The following MTUS2 variants were observed in gnomAD, a reference collection of about 807,000 sequenced individuals.
MTUS2 encodes the protein microtubule associated scaffold protein 2.
MTUS2 carries 40 observed loss-of-function variants against 114.1 expected under a neutral mutation model. The observed-to-expected ratio is 0.35, with a 90% CI of 0.27 to 0.46. The LOEUF is 0.46. MTUS2 is among the 20% of genes least tolerant of loss of function. The pLI, the probability that MTUS2 is intolerant of heterozygous loss-of-function variation, is 1.00. For missense variants in MTUS2, 1,679 were observed against 1,705.4 expected, an observed-to-expected ratio of 0.98 and a Z score of 0.27; for synonymous variants, 688 against 672.0, an observed-to-expected ratio of 1.02 and a Z score of -0.37.
chr13:29,480,029 G>A lies in MTUS2; in HGVS notation c.3185-121G>A, dbSNP rs767382922. 51 of 927,912 alleles carry A rather than the reference G, an allele frequency of 5.5e-5. No homozygotes were observed. The highest frequency in any genetic ancestry group is 2.3e-4 in the Middle Eastern group (1 of 4,382). 57.5% of individuals were successfully genotyped at this position (927,912 alleles called of 1,614,324 possible). A position where few individuals can be genotyped will look rare whatever the true frequency, so the allele number is the denominator to read the frequency against. ...ACTTTACAAACTGTGTAGCCCTGCA[G>A]AAGTCAGAGGACCTCGCCCTGTTTA... On this transcript the variant is annotated intron_variant, in intron 9 of 15. Transcript: ENST00000612955. This position sits in a 1 kb window ranked among gnomAD's most constrained non-coding sequence, Gnocchi z 4.4.
intron 5 of MTUS2, among the ~76,000 whole-genome samples, chr13:29,208,042 A>T (rs1895266258): frequency 6.6e-6 from 1 of 152,136 alleles, no homozygotes; most frequent in Non-Finnish European, 1.5e-5. Flanking sequence ...TTCAACTGTG[A>T]ACTCATCTGG....
At chr13:29,502,027 T>A (rs923524264) in intron 15 of MTUS2, among the ~76,000 whole-genome samples, 2 of 152,198 alleles carry the variant, frequency 1.3e-5, no homozygotes, top group Non-Finnish European at 2.9e-5. Context: ...CTCACATACA[T>A]ACGCTCTTGC....
chr13:29,375,285 GTT>G (rs1593366558), intron 8 of MTUS2, among the ~76,000 whole-genome samples: 2 of 129,766 alleles, frequency 1.5e-5, no homozygotes, highest in African/African-American at 3.1e-5. Context: ...TTAAAAAGGA[GTT>G]TTTAATAGGA....
chr13:28,855,385 A>G (rs1440620591), intron 2 of MTUS2, among the ~76,000 whole-genome samples: 2 of 152,012 alleles, frequency 1.3e-5, no homozygotes, highest in African/African-American at 2.4e-5. Context: ...TAAGCCCAGC[A>G]TGCATTAGCT....
chr13:28,911,410 G>A (rs985960635), intron 2 of MTUS2, among the ~76,000 whole-genome samples: 13 of 151,892 alleles, frequency 8.6e-5, no homozygotes, highest in African/African-American at 1.9e-4. Context: ...TCCTGACCTC[G>A]TGATCCACCC....
Position 29,503,269 on chromosome 13 carries a change from A to T in MTUS2, c.*63A>T. 2 of 1,579,360 alleles carry T rather than the reference A, an allele frequency of 1.3e-6. No homozygotes were observed. The highest frequency in any genetic ancestry group is 1.7e-6 in the Non-Finnish European group (2 of 1,157,856). ...CCTCCGGTCTCCACCCTGAGGGAGCACCGACCCGGTGCCGCCGGAGCTGGC... is the reference window on the plus strand; with the variant it reads ...CCTCCGGTCTCCACCCTGAGGGAGCTCCGACCCGGTGCCGCCGGAGCTGGC... On this transcript the variant is annotated 3_prime_UTR_variant, in exon 16 of 16. Transcript: ENST00000612955.
chr13:29,044,271 C>G (rs1243227829), intron 4 of MTUS2, among the ~76,000 whole-genome samples: 1 of 139,596 alleles, frequency 7.2e-6, no homozygotes, highest in African/African-American at 2.5e-5. Context: ...TTAGTAATTT[C>G]TAGCTTGAAT....
intron 4 of MTUS2, among the ~76,000 whole-genome samples, chr13:29,041,820 C>A (rs1236872552): frequency 1.3e-5 from 2 of 152,088 alleles, no homozygotes; most frequent in East Asian, 3.8e-4. Context: ...GATTTTGTAT[C>A]CTGAAACATT....
chr13:28,945,143 A>G (rs1335164810), intron 2 of MTUS2, among the ~76,000 whole-genome samples: 1 of 151,450 alleles, frequency 6.6e-6, no homozygotes, highest in African/African-American at 2.4e-5. Context: ...TGTAAAAGAC[A>G]TGATTCGTTG....
chr13:29,262,129 GA>G (rs1427851566), intron 5 of MTUS2, among the ~76,000 whole-genome samples: 5 of 152,246 alleles, frequency 3.3e-5, no homozygotes, highest in African/African-American at 1.2e-4. Context: ...GATCTTCTGT[GA>G]TTACTTCTAT....
chr13:29,438,463 G>A (rs1042422467), intron 8 of MTUS2, among the ~76,000 whole-genome samples: 2 of 152,184 alleles, frequency 1.3e-5, no homozygotes, highest in African/African-American at 4.8e-5. Context: ...CAGTTTCAGT[G>A]TCAGGTGCGG....
At chr13:29,282,187 T>C (rs1898302124) in intron 6 of MTUS2, among the ~76,000 whole-genome samples, 1 of 152,212 alleles carries the variant, frequency 6.6e-6, no homozygotes, top group Admixed American at 6.5e-5. Flanking sequence ...GCAAGGACTG[T>C]AGGATAGCAA....
At chr13:28,941,402 C>T (rs192855094) in intron 2 of MTUS2, among the ~76,000 whole-genome samples, 10 of 151,984 alleles carry the variant, frequency 6.6e-5, no homozygotes, top group Admixed American at 3.9e-4. Flanking sequence ...GAATATAATA[C>T]GTAAATATTT....
chr13:29,079,315 G>T (rs1261508621), intron 4 of MTUS2, among the ~76,000 whole-genome samples: 1 of 152,036 alleles, frequency 6.6e-6, no homozygotes. Context: ...ATTTATACAT[G>T]TTGGATATTA....
intron 11 of MTUS2, among the ~76,000 whole-genome samples, chr13:29,490,876 T>C (rs1422127348): frequency 6.6e-6 from 1 of 152,252 alleles, no homozygotes. Context: ...GATTTAATGT[T>C]AATTACCTAG....
At chr13:29,038,448 C>T (rs943287792) in intron 4 of MTUS2, among the ~76,000 whole-genome samples, 6 of 152,160 alleles carry the variant, frequency 3.9e-5, no homozygotes, top group African/African-American at 1.2e-4. Flanking sequence ...AGATACCAGC[C>T]GGAGCTCTCC....
chr13:29,308,006 G>T (rs1899559292), intron 6 of MTUS2, among the ~76,000 whole-genome samples: 1 of 152,124 alleles, frequency 6.6e-6, no homozygotes, highest in African/African-American at 2.4e-5. Context: ...TGGTCATACT[G>T]CCCACAGTAA....
At chr13:29,387,108 G>C (rs887127584) in intron 8 of MTUS2, among the ~76,000 whole-genome samples, 1 of 152,180 alleles carries the variant, frequency 6.6e-6, no homozygotes, top group Admixed American at 6.5e-5. Flanking sequence ...CTCCTGCCCT[G>C]ACTGAGTTTA....
chr13:28,929,891 G>A (rs1881523291), intron 2 of MTUS2, among the ~76,000 whole-genome samples: 1 of 152,122 alleles, frequency 6.6e-6, no homozygotes, highest in Non-Finnish European at 1.5e-5. Context: ...ACACAGTCTG[G>A]CAAGTGTTTT....
Sources: allele counts gnomAD v4.1 joint callset (sites outside exome capture counted in the v4.1 genomes callset), GRCh38; gene constraint gnomAD v4.1.1; non-coding constraint Gnocchi (gnomAD v3.1); transcripts MANE v1.5; gene names NCBI Gene and HGNC (gene_info 2026-07-23, HGNC 2026-07-21).